Variants in SUGCT observed in about 807,000 individuals in gnomAD.
The protein encoded by SUGCT is succinyl-CoA:glutarate-CoA transferase, also known as succinyl-CoA:glutarate CoA-transferase.
SUGCT carries 41 observed loss-of-function variants against 55.0 expected under a neutral mutation model. That is an observed-to-expected ratio of 0.74 (90% confidence interval 0.58 to 0.97). The LOEUF is 0.97. Among genes scored for constraint, SUGCT ranks in the 50% least tolerant of loss-of-function variants. The probability of loss-of-function intolerance (pLI) is 0.00; values close to 1 mark genes in which losing one functional copy is unlikely to be tolerated. For missense variants in SUGCT, 568 were observed against 547.8 expected, an observed-to-expected ratio of 1.04 and a Z score of -0.37; for synonymous variants, 187 against 200.4, an observed-to-expected ratio of 0.93 and a Z score of 0.56.
the SUGCT span, among the ~76,000 whole-genome samples, chr7:40,928,174 C>CA: frequency 6.6e-6 from 1 of 151,820 alleles, no homozygotes; most frequent in Non-Finnish European, 1.5e-5. Context: ...CCTCAGTACT[C>CA]AGAGTACATT....
chr7:40,234,163 G>A lies in SUGCT; in HGVS notation c.485-3472G>A, dbSNP rs143927353. 4.0e-3 allele frequency among the ~76,000 whole-genome samples: 613 copies of A among 152,302 alleles called. 4 individuals are homozygous for A. Among genetic ancestry groups the A allele is most frequent in the African/African-American group, 0.014 (585 of 41,576 alleles). ...AGGGACCTGGGTTTGTCCCATTTGA[G>A]GGATTTGGGCTCCTGGCCAGAAGCA... On this transcript the variant is annotated intron_variant, in intron 6 of 13. Coordinates refer to ENST00000335693, the MANE Select transcript of SUGCT (RefSeq NM_001193313.2).
intron 3 of SUGCT, among the ~76,000 whole-genome samples, 169 bp from the exon 4 acceptor site, chr7:40,188,326 C>T (rs541476805): frequency 6.7e-6 from 1 of 149,916 alleles, no homozygotes; most frequent in Non-Finnish European, 1.5e-5. Flanking sequence ...CCCAGCTACT[C>T]AGGTGGCTGA....
intron 9 of SUGCT, among the ~76,000 whole-genome samples, chr7:40,437,782 T>C (rs1788257646): frequency 6.6e-6 from 1 of 152,316 alleles, no homozygotes; most frequent in South Asian, 2.1e-4. Context: ...CTTCATGGAA[T>C]GTCTTTTTCC....
chr7:40,529,102 A>C (rs536936289), intron 12 of SUGCT, among the ~76,000 whole-genome samples: 4 of 152,348 alleles, frequency 2.6e-5, no homozygotes, highest in African/African-American at 9.6e-5. Context: ...GGGGAAGATC[A>C]CTGAAGGGGA....
chr7:40,937,080 T>C, the SUGCT span, among the ~76,000 whole-genome samples: 1 of 152,318 alleles, frequency 6.6e-6, no homozygotes, highest in South Asian at 2.1e-4. Flanking sequence ...TGTTGTTTGG[T>C]GGACCAAATA....
chr7:40,880,074 G>A, the SUGCT span, among the ~76,000 whole-genome samples: 1 of 152,166 alleles, frequency 6.6e-6, no homozygotes, highest in Admixed American at 6.5e-5. Context: ...TGAATAATTG[G>A]CCAGTAATCC....
intron 13 of SUGCT, among the ~76,000 whole-genome samples, chr7:40,854,425 TTTCTTTCTTTCTTTC>T (rs1415121583): frequency 7.7e-6 from 1 of 130,000 alleles, no homozygotes; most frequent in African/African-American, 3.1e-5. Flanking sequence ...CTTTCCTTTC[TTTCTTTCTTTCTTTC>T]TTTCTTTCTT....
At chr7:40,335,334 T>C (rs1002807104) in intron 9 of SUGCT, among the ~76,000 whole-genome samples, 1 of 151,972 alleles carries the variant, frequency 6.6e-6, no homozygotes, top group African/African-American at 2.4e-5. Context: ...TAAATTACCT[T>C]GGGCAGTATG....
In SUGCT at chr7:40,415,210, C is replaced by A. The variant is rs1786929911; in HGVS notation, c.817-34077C>A. 2.9e-5 allele frequency among the ~76,000 whole-genome samples: 4 copies of A among 137,084 alleles called. No individual in the cohort carries two copies. In the South Asian group the frequency reaches 9.2e-4, roughly 31 times the overall value. 89.9% of individuals were successfully genotyped at this position (137,084 alleles called of 152,430 possible). On this transcript the variant is annotated intron_variant, in intron 9 of 13. Transcript: ENST00000335693. ...ACTTGAGCCCGGGAGGCAGAGGTTG[C>A]AATGAGCCTCAATGGTGCCACTGCA...
chr7:40,215,786 C>T (rs565411818), intron 6 of SUGCT, among the ~76,000 whole-genome samples: 26 of 151,400 alleles, frequency 1.7e-4, no homozygotes, highest in South Asian at 6.3e-4. Flanking sequence ...GGTGTGAACC[C>T]GGGAGGCGGA....
intron 9 of SUGCT, among the ~76,000 whole-genome samples, chr7:40,439,074 A>ATGTGTGTGTG (rs746023700): frequency 4.6e-4 from 38 of 82,514 alleles, no homozygotes; most frequent in Non-Finnish European, 4.8e-4. Flanking sequence ...GTATATATAT[A>ATGTGTGTGTG]TATATATATA....
At chr7:40,595,221 G>A (rs569238368) in intron 12 of SUGCT, among the ~76,000 whole-genome samples, 14 of 152,154 alleles carry the variant, frequency 9.2e-5, no homozygotes, top group African/African-American at 2.9e-4. Flanking sequence ...CCACTTCCTC[G>A]GCAGAAGTGA....
chr7:40,772,143 T>C (rs1044527505), intron 13 of SUGCT, among the ~76,000 whole-genome samples: 2 of 152,132 alleles, frequency 1.3e-5, no homozygotes, highest in African/African-American at 2.4e-5. Flanking sequence ...GAACTTTCCC[T>C]TCCTCCTCCC....
the SUGCT span, among the ~76,000 whole-genome samples, chr7:40,921,753 C>T: frequency 6.6e-6 from 1 of 152,146 alleles, no homozygotes; most frequent in Non-Finnish European, 1.5e-5. Flanking sequence ...TTTCGTGGGC[C>T]TCAGCTCGAA....
At chr7:40,195,683 G>A (rs981235534) in intron 6 of SUGCT, among the ~76,000 whole-genome samples, 1 of 148,076 alleles carries the variant, frequency 6.8e-6, no homozygotes, top group African/African-American at 2.5e-5. Context: ...CTCTTGCATA[G>A]GTGAATTTAC....
chr7:40,786,485 TGTAAG>T (rs1563003658), intron 13 of SUGCT, among the ~76,000 whole-genome samples: 1 of 152,182 alleles, frequency 6.6e-6, no homozygotes, highest in Non-Finnish European at 1.5e-5. Flanking sequence ...ATTATGTTAA[TGTAAG>T]GTAAAGATAT....
the SUGCT span, among the ~76,000 whole-genome samples, chr7:40,974,848 CA>C: frequency 6.6e-6 from 1 of 152,108 alleles, no homozygotes; most frequent in Admixed American, 6.5e-5. Context: ...CTATAATGAA[CA>C]TTTTTTTCAT....
At chr7:40,966,670 T>C in the SUGCT span, 2 of 152,198 alleles carry the variant, frequency 1.3e-5, no homozygotes, top group African/African-American at 2.4e-5. Flanking sequence ...GTGTCCCTAC[T>C]GAAAAGATAA....
the SUGCT span, among the ~76,000 whole-genome samples, chr7:40,992,334 A>G: frequency 6.6e-6 from 1 of 152,168 alleles, no homozygotes; most frequent in Non-Finnish European, 1.5e-5. Flanking sequence ...AGCAGTCAGG[A>G]CAACCAGAGG....
Sources: allele counts gnomAD v4.1 joint callset (sites outside exome capture counted in the v4.1 genomes callset), GRCh38; gene constraint gnomAD v4.1.1; transcripts MANE v1.5; gene names NCBI Gene and HGNC (gene_info 2026-07-23, HGNC 2026-07-21).